The following ATF6 variants were observed in gnomAD, a reference collection of about 807,000 sequenced individuals.
ATF6 encodes the protein cyclic AMP-dependent transcription factor ATF-6 alpha.
In ATF6, 53 loss-of-function variants were observed where a neutral mutation model predicts 83.6. That is an observed-to-expected ratio of 0.63 (90% CI 0.51 to 0.80). ATF6 has a LOEUF of 0.80. Among genes scored for constraint, ATF6 ranks in the 30% least tolerant of loss-of-function variants. The pLI, the probability that ATF6 is intolerant of heterozygous loss-of-function variation, is 0.00. For missense variants in ATF6, 744 were observed against 797.9 expected (o/e 0.93, Z 0.81); for synonymous variants, 288 against 285.8 (o/e 1.01, Z -0.08).
chr1:161,871,297 A>G (rs936209702), intron 14 of ATF6, among the ~76,000 whole-genome samples: 3 of 151,586 alleles, frequency 2.0e-5, no homozygotes, highest in Non-Finnish European at 4.4e-5. Flanking sequence ...GTGGAATAGA[A>G]TAATTCCTGA....
chr1:161,863,407 G>A, intron 14 of ATF6, 95 bp downstream of exon 14: 1 of 793,024 alleles, frequency 1.3e-6, no homozygotes, highest in Non-Finnish European at 2.2e-6. Flanking sequence ...AAAGATGTGA[G>A]AAATAGGAAG....
intron 6 of ATF6, among the ~76,000 whole-genome samples, chr1:161,795,541 T>C (rs912859985): frequency 3.3e-5 from 5 of 152,228 alleles, no homozygotes; most frequent in Non-Finnish European, 7.3e-5. Context: ...CAATAAATGT[T>C]TGATACATAG....
At chr1:161,927,521 T>G (rs1000970595) in intron 15 of ATF6, among the ~76,000 whole-genome samples, 5 of 152,260 alleles carry the variant, frequency 3.3e-5, no homozygotes, top group Admixed American at 2.0e-4. Flanking sequence ...TCAGAATGAC[T>G]TAGTATTTGA....
At chr1:161,867,156 G>A (rs141993382) in intron 14 of ATF6, among the ~76,000 whole-genome samples, 29 of 152,160 alleles carry the variant, frequency 1.9e-4, no homozygotes, top group South Asian at 1.2e-3. Context: ...TTAGCCGGGC[G>A]TGGTGGTGGG....
rs150138577 is a variant in ATF6, at chr1:161,880,364, A to C, written c.1719+17052A>C. On this transcript the variant is annotated intron_variant, in intron 14 of 15. Transcript: ENST00000367942. ...TGTGTGTGTGTGTATATATGTATAT[A>C]CTTATATAGGTGAAATCATCACCAT... 9.8e-3 allele frequency among the ~76,000 whole-genome samples: 1,494 copies of C among 151,850 alleles called. 8 individuals carry two copies. Among genetic ancestry groups the C allele is most frequent in the South Asian group, 0.017 (83 of 4,808 alleles).
chr1:161,798,526 T>A (rs1433928922), intron 6 of ATF6, among the ~76,000 whole-genome samples: 1 of 152,132 alleles, frequency 6.6e-6, no homozygotes, highest in South Asian at 2.1e-4. Context: ...GCAGGAGAAT[T>A]GCTTGAACCC....
At chr1:161,942,896 C>T (rs930120906) in intron 15 of ATF6, among the ~76,000 whole-genome samples, 1 of 152,156 alleles carries the variant, frequency 6.6e-6, no homozygotes, top group Non-Finnish European at 1.5e-5. Flanking sequence ...CACTCTGTCA[C>T]CCAGGCTGGA....
chr1:161,801,963 T>G, intron 6 of ATF6, 89 bp from the exon 7 acceptor site: 1 of 1,177,654 alleles, frequency 8.5e-7, no homozygotes, highest in Non-Finnish European at 1.2e-6. Context: ...TCTTACCCAT[T>G]ACGTCTGCAG....
chr1:161,915,680 A>G (rs903448415), intron 15 of ATF6, among the ~76,000 whole-genome samples: 2 of 151,774 alleles, frequency 1.3e-5, no homozygotes, highest in Non-Finnish European at 2.9e-5. Context: ...CTGGGGTACA[A>G]TGGCGTGACC....
intron 14 of ATF6, among the ~76,000 whole-genome samples, chr1:161,909,738 C>T (rs558328711): frequency 9.9e-5 from 15 of 152,114 alleles, no homozygotes; most frequent in African/African-American, 3.1e-4. Flanking sequence ...GGGCAGATCA[C>T]GAGGTCAGGA....
chr1:161,946,869 T>C (rs1032719682), intron 15 of ATF6, among the ~76,000 whole-genome samples: 3 of 152,350 alleles, frequency 2.0e-5, no homozygotes, highest in Non-Finnish European at 4.4e-5. Context: ...CTTCATTCTC[T>C]GTTCTTACTC....
chr1:161,771,399 A>G (rs965709712), intron 1 of ATF6, among the ~76,000 whole-genome samples: 10 of 152,126 alleles, frequency 6.6e-5, no homozygotes, highest in African/African-American at 2.4e-4. Context: ...TGGATGACAC[A>G]ACTTCCCGTA....
intron 6 of ATF6, among the ~76,000 whole-genome samples, chr1:161,794,631 A>G (rs1000029861): frequency 6.6e-6 from 1 of 152,122 alleles, no homozygotes; most frequent in African/African-American, 2.4e-5. Flanking sequence ...TAGTTTTCGA[A>G]CTTTATAATA....
chr1:161,801,382 T>TC (rs1685143456), intron 6 of ATF6, among the ~76,000 whole-genome samples: 1 of 140,410 alleles, frequency 7.1e-6, no homozygotes, highest in African/African-American at 2.7e-5. Context: ...TTTTTTTTTT[T>TC]GTCCTTTTTA....
chr1:161,933,197 T>C (rs1400996721), intron 15 of ATF6, among the ~76,000 whole-genome samples: 3 of 152,200 alleles, frequency 2.0e-5, no homozygotes, highest in African/African-American at 7.2e-5. Context: ...AGTGAATCTA[T>C]TGTTTAATCA....
chr1:161,861,629 T>C (rs1013091552), intron 13 of ATF6, among the ~76,000 whole-genome samples: 1 of 152,184 alleles, frequency 6.6e-6, no homozygotes, highest in Non-Finnish European at 1.5e-5. Flanking sequence ...GTGGATTCCA[T>C]ATTTGCTAAT....
chr1:161,931,974 A>T (rs1688443091), intron 15 of ATF6, among the ~76,000 whole-genome samples: 1 of 152,156 alleles, frequency 6.6e-6, no homozygotes, highest in Admixed American at 6.5e-5. Context: ...TTGAAAGTGG[A>T]ACTAAACTCT....
At chr1:161,836,828 C>G (rs1686229700) in intron 9 of ATF6, among the ~76,000 whole-genome samples, 1 of 152,146 alleles carries the variant, frequency 6.6e-6, no homozygotes, top group African/African-American at 2.4e-5. Flanking sequence ...AAGGGAAAGG[C>G]AGCTGAAACC....
At chr1:161,911,152 T>C (rs550759583) in intron 14 of ATF6, among the ~76,000 whole-genome samples, 79 of 152,188 alleles carry the variant, frequency 5.2e-4, no homozygotes, top group Non-Finnish European at 9.0e-4. Flanking sequence ...TTATTTCATA[T>C]AGTAAGTTTG....
Sources: gnomAD v4.1 joint callset for allele counts (sites outside exome capture counted in the v4.1 genomes callset) on GRCh38, gnomAD v4.1.1 for gene constraint, MANE v1.5 for transcripts, NCBI Gene and HGNC (gene_info 2026-07-23, HGNC 2026-07-21) for gene names.